CERS3: variants seen among roughly 807,000 people sequenced by gnomAD.
CERS3 encodes LAG1 homolog, ceramide synthase 3.
CERS3 carries 33 observed loss-of-function variants against 50.3 expected under a neutral mutation model. The observed-to-expected ratio is 0.66, with a 90% CI of 0.50 to 0.88. CERS3 has a LOEUF of 0.88. Among genes scored for constraint, CERS3 ranks in the 40% least tolerant of loss-of-function variants. The pLI, the probability that CERS3 is intolerant of heterozygous loss-of-function variation, is 0.00. For missense variants in CERS3, 470 were observed against 460.3 expected, an observed-to-expected ratio of 1.02 and a Z score of -0.19; for synonymous variants, 176 against 155.2, an observed-to-expected ratio of 1.13 and a Z score of -0.99.
intron 3 of CERS3, 134 bp from the exon 4 acceptor site, chr15:100,491,065 A>G (rs1332006165): frequency 1.7e-6 from 1 of 576,382 alleles, no homozygotes; most frequent in Non-Finnish European, 3.0e-6. Flanking sequence ...GGCTACGTAC[A>G]GCCAAAATCT....
At chr15:100,504,354 CT>C (rs1207422404) in intron 2 of CERS3, among the ~76,000 whole-genome samples, 1 of 151,498 alleles carries the variant, frequency 6.6e-6, no homozygotes, top group Non-Finnish European at 1.5e-5. Flanking sequence ...AGCAATTCTC[CT>C]GCCTCAGCCT....
chr15:100,426,176 C>T (rs985356049), intron 11 of CERS3: 7 of 151,970 alleles, frequency 4.6e-5, no homozygotes, highest in Non-Finnish European at 1.0e-4. Flanking sequence ...ATTTCATATT[C>T]AATTAATAAA....
intron 2 of CERS3, among the ~76,000 whole-genome samples, chr15:100,520,923 C>A (rs559232233): frequency 6.6e-6 from 1 of 152,186 alleles, no homozygotes; most frequent in South Asian, 2.1e-4. Flanking sequence ...TTTCACAGAC[C>A]GTTACAAAAA....
At chr15:100,502,017 C>G (rs999286534) in intron 2 of CERS3, among the ~76,000 whole-genome samples, 167 bp from the exon 3 acceptor site, 7 of 150,986 alleles carry the variant, frequency 4.6e-5, no homozygotes, top group African/African-American at 1.5e-4. Context: ...GAGACCAAGG[C>G]GGGCGGATCA....
intron 10 of CERS3, among the ~76,000 whole-genome samples, chr15:100,463,417 G>C (rs1038257025): frequency 2.7e-5 from 3 of 112,248 alleles, no homozygotes; most frequent in African/African-American, 1.0e-4. Context: ...CCTGGCAACA[G>C]AGTGAGACTC....
In CERS3 at chr15:100,401,374, T is replaced by A. The variant is rs1308670365; in HGVS notation, c.*1339A>T. On this transcript the variant is annotated 3_prime_UTR_variant, in exon 12 of 12. Transcript: ENST00000679737. ...ACATTGTGCCCAGGAGATGTGTCCC[T>A]CTGGTGACAAGGCCGCAAGGGAGGC... 2 of 152,416 alleles carry A rather than the reference T, an allele frequency of 1.3e-5. No homozygotes were observed. The highest frequency in any genetic ancestry group is 2.9e-5 in the Non-Finnish European group (2 of 68,114). The allele number at this position is 152,416 out of a possible 1,614,324, so 9.4% of individuals were successfully genotyped here. A position where few individuals can be genotyped will look rare whatever the true frequency, so the allele number is the denominator to read the frequency against.
chr15:100,459,951 T>C (rs369966462), intron 10 of CERS3, among the ~76,000 whole-genome samples: 48 of 152,294 alleles, frequency 3.2e-4, no homozygotes, highest in Middle Eastern at 6.8e-3. Flanking sequence ...CTGTCCATTT[T>C]TCTATTGGAG....
chr15:100,474,294 C>A (rs73472044), intron 8 of CERS3, among the ~76,000 whole-genome samples: 3,107 of 152,192 alleles, frequency 0.02, 116 homozygotes, highest in African/African-American at 0.071. Context: ...GTGGATATCT[C>A]AATAAAGATG....
chr15:100,416,086 C>T (rs2031881424), intron 11 of CERS3, among the ~76,000 whole-genome samples: 1 of 151,966 alleles, frequency 6.6e-6, no homozygotes, highest in Non-Finnish European at 1.5e-5. Context: ...AGATTCAATA[C>T]CATTCTTATC....
In CERS3 at chr15:100,401,396, A is replaced by C. The variant is rs1348615271; in HGVS notation, c.*1317T>G. 1 of 152,272 alleles carries C rather than the reference A, an allele frequency of 6.6e-6. No individual in the cohort carries two copies. The highest frequency in any genetic ancestry group is 1.5e-5 in the Non-Finnish European group (1 of 68,110). The allele number at this position is 152,272 out of a possible 1,614,324, so 9.4% of individuals were successfully genotyped here. A position where few individuals can be genotyped will look rare whatever the true frequency, so the allele number is the denominator to read the frequency against. On this transcript the variant is annotated 3_prime_UTR_variant, in exon 12 of 12. Coordinates refer to ENST00000679737, the MANE Select transcript of CERS3 (RefSeq NM_001378789.1). ...CCCTCTGGTGACAAGGCCGCAAGGG[A>C]GGCAGGGACGTGTGCAAGTCTTCTC... is the stretch of plus-strand genomic sequence containing the variant.
intron 2 of CERS3, among the ~76,000 whole-genome samples, chr15:100,513,022 C>T (rs1054106334): frequency 1.3e-5 from 2 of 152,176 alleles, no homozygotes; most frequent in East Asian, 3.8e-4. Flanking sequence ...GGATATTTTC[C>T]TAGCAAAACT....
intron 1 of CERS3, among the ~76,000 whole-genome samples, chr15:100,534,464 G>A (rs2037023763): frequency 6.6e-6 from 1 of 151,754 alleles, no homozygotes; most frequent in Admixed American, 6.6e-5. Context: ...TTATGCTTAT[G>A]ATGACTATAA....
intron 2 of CERS3, among the ~76,000 whole-genome samples, chr15:100,505,731 G>A (rs1243353238): frequency 6.6e-6 from 1 of 152,190 alleles, no homozygotes; most frequent in Non-Finnish European, 1.5e-5. Context: ...AAGCAGGCTG[G>A]GTGTGATGGC....
chr15:100,425,861 G>T (rs1185603086), intron 11 of CERS3: 1 of 151,938 alleles, frequency 6.6e-6, no homozygotes, highest in South Asian at 2.1e-4. Context: ...GAGGGGCCTG[G>T]TGGGAGGTGA....
chr15:100,508,517 T>G (rs2036248907), intron 2 of CERS3, among the ~76,000 whole-genome samples: 1 of 152,254 alleles, frequency 6.6e-6, no homozygotes, highest in African/African-American at 2.4e-5. Context: ...GAGAGATACC[T>G]GTGTTTTTAA....
intron 3 of CERS3, among the ~76,000 whole-genome samples, chr15:100,494,405 G>A (rs140636025): frequency 0.018 from 2,697 of 151,314 alleles, 82 homozygotes; most frequent in African/African-American, 0.062. Flanking sequence ...CTACCACCAC[G>A]CCCAGCTAAT....
rs189368847 is a variant in CERS3 at position 100,517,004 on chromosome 15, T to C, written c.-2+4663A>G. Among the ~76,000 whole-genome samples the C allele has an allele frequency of 2.4e-4, 37 of 152,332 alleles. 1 individual carries two copies. In the East Asian group the frequency reaches 6.9e-3, roughly 29 times the overall value. On this transcript the variant is annotated intron_variant, in intron 2 of 11. Coordinates refer to ENST00000679737, the MANE Select transcript of CERS3 (RefSeq NM_001378789.1). ...CCACTTTCACCACTTTCCAACTACA[T>C]GGCTTAGGGTAAGCGATGTTTTCTA...
At chr15:100,470,649 C>T (rs948931151) in intron 9 of CERS3, among the ~76,000 whole-genome samples, 1 of 152,066 alleles carries the variant, frequency 6.6e-6, no homozygotes, top group African/African-American at 2.4e-5. Flanking sequence ...CACTTTTGGG[C>T]AAAACATACA....
intron 11 of CERS3, among the ~76,000 whole-genome samples, chr15:100,430,063 A>C (rs2033036430): frequency 6.6e-6 from 1 of 152,088 alleles, no homozygotes; most frequent in Non-Finnish European, 1.5e-5. Context: ...CTGTAATCCC[A>C]GCACTTTGGG....
Sources: gnomAD v4.1 joint callset for allele counts (sites outside exome capture counted in the v4.1 genomes callset) on GRCh38, gnomAD v4.1.1 for gene constraint, MANE v1.5 for transcripts, NCBI Gene and HGNC (gene_info 2026-07-23, HGNC 2026-07-21) for gene names.